Variants in AMOT observed in about 807,000 individuals in gnomAD.
The protein encoded by AMOT is angiomotin.
Under a neutral mutation model 67.0 loss-of-function variants are expected in AMOT, and 11 were observed. That is an observed-to-expected ratio of 0.16 (90% CI 0.10 to 0.27). The LOEUF (loss-of-function observed/expected upper bound fraction) is 0.27. Ranked by LOEUF, AMOT falls within the 10% of genes least tolerant of loss-of-function variation. The pLI, the probability that AMOT is intolerant of heterozygous loss-of-function variation, is 1.00. For missense variants in AMOT, 753 were observed against 852.0 expected, an observed-to-expected ratio of 0.88 and a Z score of 1.45; for synonymous variants, 326 against 321.4, an observed-to-expected ratio of 1.01 and a Z score of -0.15.
intron 7 of AMOT, among the ~76,000 whole-genome samples, chrX:112,806,839 T>C (rs956898771): frequency 1.8e-5 from 2 of 112,093 alleles, no homozygotes; most frequent in South Asian, 7.5e-4. Flanking sequence ...GTGATATCAC[T>C]GAATTCCAAC....
At position 112,799,095 on chromosome X, in the gene AMOT, A is replaced by G. The variant is rs17270110; in HGVS notation, c.1776+5852T>C. 1.3e-3 allele frequency among the ~76,000 whole-genome samples: 147 copies of G among 112,179 alleles called. 3 individuals carry two copies. The East Asian group carries it at 0.031, about 24-fold the overall frequency. On this transcript the variant is annotated intron_variant, in intron 8 of 13. Transcript: ENST00000371959. ...AAGCGACTTAATCATTTAGCTTCCCATTTATTCACTAGTGGACAAAGAACA... is the reference window on the plus strand; with the variant it reads ...AAGCGACTTAATCATTTAGCTTCCCGTTTATTCACTAGTGGACAAAGAACA...
chrX:112,818,867 A>C (rs1934636962), intron 4 of AMOT, among the ~76,000 whole-genome samples: 2 of 111,132 alleles, frequency 1.8e-5, no homozygotes, highest in African/African-American at 6.6e-5. Flanking sequence ...CAGGAACAAC[A>C]AGCCGCCTGC....
chrX:112,836,009 C>T (rs1015416780), intron 1 of AMOT, among the ~76,000 whole-genome samples: 3 of 112,271 alleles, frequency 2.7e-5, no homozygotes, highest in African/African-American at 9.7e-5. Context: ...GTGGGCCATT[C>T]TGCTGCTGCA....
At position 112,822,411 on chromosome X, in the gene AMOT, G is replaced by C. The variant is rs1934740805; in HGVS notation, c.716C>G (p.Pro239Arg). ...CATGCCCTTGAAGGGATATTCTGGT[G>C]GGGGGCCTCGGTGTTCCATGCCCTT... ...SLKGMEHRGP[P>R]PEYPFKGMPP... is the part of the protein sequence containing the mutation. The change falls in exon 4 of 14, where the codon CCA becomes CGA. Residue 239 changes from proline (P) to arginine (R), a missense_variant. Around this residue, in one of 5 missense-constraint regions of AMOT, gnomAD observed 297 missense variants for 284.3 expected, o/e 1.04. Transcript: ENST00000371959. The C allele has an allele frequency of 8.6e-7, 1 of 1,165,948 alleles. No homozygotes were observed. Among genetic ancestry groups the C allele is most frequent in the Non-Finnish European group, 1.1e-6 (1 of 872,713 alleles).
intron 4 of AMOT, among the ~76,000 whole-genome samples, chrX:112,818,557 G>A (rs920841319): frequency 3.1e-4 from 35 of 111,470 alleles, no homozygotes; most frequent in African/African-American, 1.1e-3. Flanking sequence ...CAGTCACAAA[G>A]GGAGAGAAAG....
intron 5 of AMOT, among the ~76,000 whole-genome samples, chrX:112,813,415 C>T (rs768789026): frequency 9.0e-6 from 1 of 111,404 alleles, no homozygotes; most frequent in Non-Finnish European, 1.9e-5. Flanking sequence ...TTCATTTCCT[C>T]CAGCACTACC....
intron 8 of AMOT, among the ~76,000 whole-genome samples, chrX:112,796,062 T>C (rs769877845): frequency 2.7e-5 from 3 of 109,962 alleles, no homozygotes; most frequent in African/African-American, 6.7e-5. Context: ...GCTAGATACA[T>C]GATCTCAGAA....
chrX:112,790,072 G>C (rs1027762916), intron 10 of AMOT, among the ~76,000 whole-genome samples: 3 of 103,376 alleles, frequency 2.9e-5, no homozygotes, highest in Non-Finnish European at 5.9e-5. Context: ...GCACGATGAG[G>C]TTATGCACAT....
At position 112,777,791 on chromosome X, in the gene AMOT, A is replaced by G. The variant is rs1343035392; in HGVS notation, c.*776T>C. 8.9e-6 allele frequency: 1 copy of G among 112,082 alleles called. No individual in the cohort carries two copies. The allele number at this position is 112,082 out of a possible 1,213,427, so 9.2% of individuals were successfully genotyped here. A position where few individuals can be genotyped will look rare whatever the true frequency, so the allele number is the denominator to read the frequency against. On this transcript the variant is annotated 3_prime_UTR_variant, in exon 14 of 14. Coordinates refer to ENST00000371959, the MANE Select transcript of AMOT (RefSeq NM_001113490.2). ...AAGGCCTCTGATGGTCTAATTCCCTAAGAGAGAGGAAGTTGCGCATCACTC... is the reference window on the plus strand; with the variant it reads ...AAGGCCTCTGATGGTCTAATTCCCTGAGAGAGAGGAAGTTGCGCATCACTC...
At chrX:112,804,771 G>A (rs1934117469) in intron 8 of AMOT, among the ~76,000 whole-genome samples, 176 bp downstream of exon 8, 1 of 111,603 alleles carries the variant, frequency 9.0e-6, no homozygotes, top group Non-Finnish European at 1.9e-5. Context: ...AATTTACCAA[G>A]AAGAGAAAAG....
At chrX:112,815,993 A>C in intron 4 of AMOT, 116 bp from the exon 5 acceptor site, 1 of 1,009,580 alleles carries the variant, frequency 9.9e-7, no homozygotes, top group East Asian at 3.4e-5. Context: ...CTGCAAAATG[A>C]AGAGCAGGCA....
chrX:112,796,072 A>T (rs996833305), intron 8 of AMOT, among the ~76,000 whole-genome samples: 1 of 110,767 alleles, frequency 9.0e-6, no homozygotes, highest in Non-Finnish European at 1.9e-5. Flanking sequence ...TGATCTCAGA[A>T]GATCTCTAAG....
chrX:112,778,901 A>G lies in AMOT; in HGVS notation c.3157+96T>C, dbSNP rs1933011090. ...CTTTAGAACGTGAAAAACTCAGTCC[A>G]AATGATAACTCTGCCCAGACATCAG... On this transcript the variant is annotated intron_variant, in intron 13 of 13. Coordinates refer to ENST00000371959, the MANE Select transcript of AMOT (RefSeq NM_001113490.2). 18 of 948,894 alleles carry G rather than the reference A, an allele frequency of 1.9e-5. No individual in the cohort carries two copies. The South Asian group carries it at 3.9e-4, about 21-fold the overall frequency. 78.2% of individuals were successfully genotyped at this position (948,894 alleles called of 1,213,427 possible).
rs1464642073 is a variant in AMOT at position 112,815,755 on chromosome X, G to A, written c.995C>T (p.Ser332Phe). The A allele has an allele frequency of 8.6e-7, 1 of 1,165,208 alleles. No homozygotes were observed. Among genetic ancestry groups the A allele is most frequent in the Non-Finnish European group, 1.1e-6 (1 of 872,629 alleles). The change falls in exon 5 of 14, where the codon TCT becomes TTT. Residue 332 changes from serine (S) to phenylalanine (F), a missense_variant. By Grantham distance (155) the Ser-to-Phe change is radical (BLOSUM62 -2). Around this residue, in one of 5 missense-constraint regions of AMOT, gnomAD observed 297 missense variants for 284.3 expected, o/e 1.04. Transcript: ENST00000371959. ...TGGGACCAAGGGGTGTCGGGCAGGA[G>A]ACAATCTAGTGGATGGTGGAGATTG... Reference protein sequence around the residue: ...LLQSPPSTRLSPARHPLVPNQ... With the variant: ...LLQSPPSTRLFPARHPLVPNQ...
intron 8 of AMOT, among the ~76,000 whole-genome samples, chrX:112,800,505 G>A (rs920521504): frequency 4.5e-5 from 5 of 111,565 alleles, no homozygotes; most frequent in Non-Finnish European, 9.4e-5. Context: ...TCAAAACACT[G>A]GGTAAGATTT....
chrX:112,826,222 T>G (rs951099788), intron 2 of AMOT, among the ~76,000 whole-genome samples: 4 of 111,787 alleles, frequency 3.6e-5, no homozygotes, highest in African/African-American at 1.3e-4. Flanking sequence ...TTCATATCAC[T>G]TAAAGGAAAG....
At chrX:112,833,436 A>G (rs916902146) in intron 1 of AMOT, among the ~76,000 whole-genome samples, 10 of 98,389 alleles carry the variant, frequency 1.0e-4, no homozygotes, top group African/African-American at 2.9e-4. Context: ...CCAAAGCCCA[A>G]CTGGTCCCAG....
intron 11 of AMOT, among the ~76,000 whole-genome samples, chrX:112,782,219 C>T (rs1345829774): frequency 8.9e-6 from 1 of 111,955 alleles, no homozygotes; most frequent in Admixed American, 9.5e-5. Flanking sequence ...TTTTATTAAG[C>T]AATCTGCTGT....
intron 5 of AMOT, among the ~76,000 whole-genome samples, chrX:112,814,982 T>C (rs1029747696): frequency 3.6e-5 from 4 of 112,150 alleles, no homozygotes; most frequent in African/African-American, 1.3e-4. Context: ...TTTGGGAAAA[T>C]GTGACCAAGA....
Sources: allele counts gnomAD v4.1 joint callset (sites outside exome capture counted in the v4.1 genomes callset), GRCh38; gene constraint gnomAD v4.1.1; regional missense constraint gnomAD v4.1.1; transcripts MANE v1.5; gene names NCBI Gene and HGNC (gene_info 2026-07-23, HGNC 2026-07-21).